Variants in NAA15 observed in about 807,000 individuals in gnomAD.
NAA15 encodes the protein N-alpha-acetyltransferase 15, NatA auxiliary subunit.
Under a neutral mutation model 114.0 loss-of-function variants are expected in NAA15, and 34 were observed. That is an observed-to-expected ratio of 0.30 (90% CI 0.23 to 0.40). The LOEUF (loss-of-function observed/expected upper bound fraction) is 0.40. NAA15 is among the 10% of genes least tolerant of loss of function. The pLI, the probability that NAA15 is intolerant of heterozygous loss-of-function variation, is 1.00. For missense variants in NAA15, 658 were observed against 1,004.5 expected, an observed-to-expected ratio of 0.66 and a Z score of 4.66; for synonymous variants, 340 against 338.0, an observed-to-expected ratio of 1.01 and a Z score of -0.06.
intron 17 of NAA15, among the ~76,000 whole-genome samples, chr4:139,383,378 T>C (rs907105516): frequency 2.0e-5 from 3 of 152,202 alleles, no homozygotes; most frequent in African/African-American, 7.2e-5. Flanking sequence ...TATACCAAAA[T>C]GATAATGAAA....
At chr4:139,346,809 C>T (rs1401161648) in intron 6 of NAA15, among the ~76,000 whole-genome samples, 1 of 152,180 alleles carries the variant, frequency 6.6e-6, no homozygotes, top group Non-Finnish European at 1.5e-5. Context: ...GCGTGAGCCA[C>T]CGCACCCAGC....
At chr4:139,381,521 C>T in intron 17 of NAA15, among the ~76,000 whole-genome samples, 1 of 151,888 alleles carries the variant, frequency 6.6e-6, no homozygotes, top group South Asian at 2.1e-4. Flanking sequence ...CTTTCATAAT[C>T]TAATTTGTTT....
At chr4:139,331,226 C>G (rs779515455) in intron 1 of NAA15, among the ~76,000 whole-genome samples, 21 of 152,080 alleles carry the variant, frequency 1.4e-4, no homozygotes, top group African/African-American at 5.1e-4. Context: ...CTTGCTTTCC[C>G]CCTCCAGAAT....
intron 15 of NAA15, among the ~76,000 whole-genome samples, chr4:139,372,696 G>C (rs867574960): frequency 2.5e-4 from 38 of 152,020 alleles, no homozygotes; most frequent in African/African-American, 8.2e-4. Context: ...GCCAAGTCTG[G>C]TTCTGCAGTA....
chr4:139,302,197 C>T (rs1745805326), intron 1 of NAA15: 1 of 239,992 alleles, frequency 4.2e-6, no homozygotes. Flanking sequence ...TGTGGGAACC[C>T]TGCTGGCAGG....
intron 1 of NAA15, among the ~76,000 whole-genome samples, chr4:139,328,458 G>A (rs1421231754): frequency 6.6e-6 from 1 of 151,962 alleles, no homozygotes; most frequent in Non-Finnish European, 1.5e-5. Flanking sequence ...TCTGCCTGCT[G>A]TGGCCTTCCA....
At chr4:139,340,072 C>T (rs887261745) in intron 3 of NAA15, among the ~76,000 whole-genome samples, 7 of 151,892 alleles carry the variant, frequency 4.6e-5, no homozygotes, top group Non-Finnish European at 5.9e-5. Flanking sequence ...CTGTAATCCC[C>T]GCACTTTGGG....
At chr4:139,304,413 G>A (rs996815033) in intron 1 of NAA15, among the ~76,000 whole-genome samples, 1 of 152,156 alleles carries the variant, frequency 6.6e-6, no homozygotes, top group Non-Finnish European at 1.5e-5. Context: ...TTGTACACGC[G>A]TGTGAGTGCT....
intron 4 of NAA15, among the ~76,000 whole-genome samples, chr4:139,342,187 C>T (rs1439807011): frequency 1.3e-5 from 2 of 152,072 alleles, no homozygotes; most frequent in Non-Finnish European, 2.9e-5. Context: ...TTTTTAAAAA[C>T]ATTTTTGAAT....
Position 139,313,187 on chromosome 4 carries a change from C to T in NAA15, c.54+11356C>T, listed in dbSNP as rs551507753. On this transcript the variant is annotated intron_variant, in intron 1 of 19. Coordinates refer to ENST00000296543, the MANE Select transcript of NAA15 (RefSeq NM_057175.5). Reference sequence around the variant, plus strand: ...AAACAGTAGACCTAGGGAAAAAAAGCCTGGCCTTGGTTGGTTGTCTCCTTT... The same window carrying T: ...AAACAGTAGACCTAGGGAAAAAAAGTCTGGCCTTGGTTGGTTGTCTCCTTT... Among the ~76,000 whole-genome samples the T allele has an allele frequency of 7.3e-4, 111 of 151,972 alleles. 6 individuals carry two copies. The highest frequency in any genetic ancestry group is 2.5e-3 in the African/African-American group (105 of 41,426).
intron 15 of NAA15, among the ~76,000 whole-genome samples, chr4:139,372,493 G>C (rs539172201): frequency 6.6e-6 from 1 of 152,100 alleles, no homozygotes; most frequent in Non-Finnish European, 1.5e-5. Flanking sequence ...TTTTTCATGG[G>C]CTGCTCCTCA....
chr4:139,342,982 A>T (rs1169745464), intron 5 of NAA15, 22 bp downstream of exon 5: 7 of 1,598,576 alleles, frequency 4.4e-6, no homozygotes, highest in Non-Finnish European at 6.0e-6. Context: ...AAGCCATTTT[A>T]CTAAGTCTGA....
chr4:139,376,328 T>C (rs761679272), intron 15 of NAA15, 37 bp from the exon 16 acceptor site: 1 of 1,256,336 alleles, frequency 8.0e-7, no homozygotes, highest in African/African-American at 1.5e-5. Flanking sequence ...CCCAAGAACC[T>C]TAGTTTCATT....
intron 11 of NAA15, 103 bp from the exon 12 acceptor site, chr4:139,359,640 T>G: frequency 1.7e-6 from 2 of 1,153,852 alleles, no homozygotes; most frequent in East Asian, 2.7e-5. Flanking sequence ...CAAGAATGCC[T>G]TTACTTTCAT....
rs577201270 is a variant in NAA15, at chr4:139,333,915, A to G, written c.55-259A>G. ...CTCAGTCTTAAAAAAAAATAAATAA[A>G]AGAAATTCTATACCATTTATTTTTC... On this transcript the variant is annotated intron_variant, in intron 1 of 19. Transcript: ENST00000296543. Among the ~76,000 whole-genome samples, 11 of 152,138 alleles carry G rather than the reference A, an allele frequency of 7.2e-5. No individual in the cohort carries two copies. In the East Asian group the frequency reaches 2.1e-3, roughly 29 times the overall value.
chr4:139,325,569 A>G (rs566798028), intron 1 of NAA15, among the ~76,000 whole-genome samples: 1 of 152,356 alleles, frequency 6.6e-6, no homozygotes, highest in Admixed American at 6.5e-5. Flanking sequence ...ACCACCAAAA[A>G]TACCAATTGG....
At chr4:139,367,561 C>T (rs1748317301) in intron 14 of NAA15, among the ~76,000 whole-genome samples, 1 of 152,140 alleles carries the variant, frequency 6.6e-6, no homozygotes, top group African/African-American at 2.4e-5. Flanking sequence ...GGAGAACACC[C>T]TTAAGTTCTT....
At chr4:139,367,675 A>G (rs1047925977) in intron 14 of NAA15, among the ~76,000 whole-genome samples, 16 of 152,238 alleles carry the variant, frequency 1.1e-4, no homozygotes, top group Admixed American at 7.8e-4. Context: ...CTGAGTAACA[A>G]AAGATTGTAA....
At chr4:139,313,972 C>T (rs1006523776) in intron 1 of NAA15, among the ~76,000 whole-genome samples, 6 of 151,704 alleles carry the variant, frequency 4.0e-5, no homozygotes, top group Admixed American at 3.9e-4. Context: ...TGAGTTTGAC[C>T]ACAACATTAA....
Sources: gnomAD v4.1 joint callset for allele counts (sites outside exome capture counted in the v4.1 genomes callset) on GRCh38, gnomAD v4.1.1 for gene constraint, MANE v1.5 for transcripts, NCBI Gene and HGNC (gene_info 2026-07-23, HGNC 2026-07-21) for gene names.